KLF12: variants seen among roughly 807,000 people sequenced by gnomAD.
KLF12 encodes Krueppel-like factor 12.
KLF12 carries 9 observed loss-of-function variants against 37.8 expected under a neutral mutation model. The observed-to-expected ratio is 0.24, with a 90% CI of 0.14 to 0.42. The LOEUF is 0.42. Among genes scored for constraint, KLF12 ranks in the 10% least tolerant of loss-of-function variants. The pLI is 1.00. For synonymous variants in KLF12, 208 were observed against 202.1 expected, an observed-to-expected ratio of 1.03 and a Z score of -0.25; for missense variants, 411 against 516.0, an observed-to-expected ratio of 0.80 and a Z score of 1.97.
chr13:74,207,171 C>T, the KLF12 span, among the ~76,000 whole-genome samples: 1 of 152,138 alleles, frequency 6.6e-6, no homozygotes, highest in Non-Finnish European at 1.5e-5. Flanking sequence ...ATAACGAGCC[C>T]ACTCATATGA....
chr13:74,279,965 C>A, the KLF12 span, among the ~76,000 whole-genome samples: 2 of 152,214 alleles, frequency 1.3e-5, no homozygotes, highest in East Asian at 3.9e-4. Context: ...CACAGAGGAC[C>A]AGAAGTGTTG....
At chr13:73,812,307 T>C (rs947455066) in intron 5 of KLF12, among the ~76,000 whole-genome samples, 5 of 151,942 alleles carry the variant, frequency 3.3e-5, no homozygotes, top group African/African-American at 9.7e-5. Flanking sequence ...GGACCTAATA[T>C]ACAGCATGGT....
At chr13:73,800,215 T>G (rs976095831) in intron 5 of KLF12, 1 of 152,074 alleles carries the variant, frequency 6.6e-6, no homozygotes. Context: ...TCTATTATAC[T>G]TGGCAAAACA....
chr13:74,191,093 C>A, the KLF12 span, among the ~76,000 whole-genome samples: 5 of 152,148 alleles, frequency 3.3e-5, no homozygotes, highest in Non-Finnish European at 5.9e-5. Context: ...ACTAAAAAGC[C>A]AGGTCAGCAA....
At chr13:73,762,739 C>A (rs1316360031) in intron 6 of KLF12, among the ~76,000 whole-genome samples, 1 of 152,076 alleles carries the variant, frequency 6.6e-6, no homozygotes, top group Non-Finnish European at 1.5e-5. Context: ...TCATTGCCAG[C>A]GTGAGTCTTT....
At chr13:74,168,476 G>T in the KLF12 span, among the ~76,000 whole-genome samples, 1 of 152,114 alleles carries the variant, frequency 6.6e-6, no homozygotes, top group Non-Finnish European at 1.5e-5. Context: ...TGCCAACCTG[G>T]GTGCAACAAC....
At chr13:73,966,701 GTTCAAGAGACAGCAACCTTAAAGTC>G (rs1276941934) in intron 2 of KLF12, among the ~76,000 whole-genome samples, 1 of 152,130 alleles carries the variant, frequency 6.6e-6, no homozygotes, top group Non-Finnish European at 1.5e-5. Context: ...CCTTTCTCCT[GTTCAAGAGACAGCAACCTTAAAGTC>G]TTCTACCCAG....
chr13:73,834,053 C>T (rs914607277), intron 4 of KLF12, among the ~76,000 whole-genome samples: 7 of 152,084 alleles, frequency 4.6e-5, no homozygotes, highest in Admixed American at 2.6e-4. Context: ...GTGTCAAACA[C>T]GATGTTGGGG....
At chr13:73,833,812 G>A (rs1489515236) in intron 4 of KLF12, among the ~76,000 whole-genome samples, 3 of 152,128 alleles carry the variant, frequency 2.0e-5, no homozygotes, top group African/African-American at 4.8e-5. Flanking sequence ...TAGTATGTGA[G>A]GTAGATGTGA....
intron 2 of KLF12, among the ~76,000 whole-genome samples, chr13:73,989,196 C>T (rs1217403527): frequency 1.3e-5 from 2 of 152,166 alleles, no homozygotes; most frequent in Non-Finnish European, 2.9e-5. Context: ...AATAAACCCT[C>T]CACCTTTAGT....
At chr13:73,946,845 G>A (rs17216175) in intron 2 of KLF12, among the ~76,000 whole-genome samples, 12,120 of 152,180 alleles carry the variant, frequency 0.08, 662 homozygotes, top group Admixed American at 0.12. Flanking sequence ...AAACAAAAGC[G>A]TTCAGTATCA....
At chr13:74,136,418 G>A (rs1878556987), upstream of KLF12, among the ~76,000 whole-genome samples, 1 of 152,178 alleles carries the variant, frequency 6.6e-6, no homozygotes, top group Non-Finnish European at 1.5e-5. Context: ...GGATTTCAAC[G>A]AGAAACTTGC....
chr13:74,288,311 T>C, the KLF12 span, among the ~76,000 whole-genome samples: 2 of 152,218 alleles, frequency 1.3e-5, no homozygotes, highest in African/African-American at 4.8e-5. Flanking sequence ...TCATCTAAGA[T>C]GCTATTTTAT....
At chr13:74,220,336 G>A in the KLF12 span, among the ~76,000 whole-genome samples, 39,919 of 152,018 alleles carry the variant, frequency 0.26, 7,877 homozygotes, top group African/African-American at 0.55. Context: ...GCTGTTAAGA[G>A]GATGCTTTAA....
chr13:74,008,753 G>T (rs908190857), intron 1 of KLF12, among the ~76,000 whole-genome samples: 1 of 152,144 alleles, frequency 6.6e-6, no homozygotes, highest in African/African-American at 2.4e-5. Flanking sequence ...GCACAAGTCT[G>T]CAAGACAACT....
intron 1 of KLF12, among the ~76,000 whole-genome samples, chr13:74,085,558 A>G (rs1875227372): frequency 6.6e-6 from 1 of 152,192 alleles, no homozygotes; most frequent in Non-Finnish European, 1.5e-5. Context: ...CAAATGTCAA[A>G]TTTTAGAGAG....
At chr13:74,032,499 C>G (rs1566511286) in intron 1 of KLF12, among the ~76,000 whole-genome samples, 1 of 152,156 alleles carries the variant, frequency 6.6e-6, no homozygotes, top group East Asian at 1.9e-4. Flanking sequence ...CTTGCTCAGG[C>G]TATTTTGCCT....
chr13:74,073,135 C>T (rs1237125833), intron 1 of KLF12, among the ~76,000 whole-genome samples: 1 of 152,210 alleles, frequency 6.6e-6, no homozygotes, highest in Non-Finnish European at 1.5e-5. Context: ...CGTGAGGCCG[C>T]CCGAGCCATG....
intron 6 of KLF12, among the ~76,000 whole-genome samples, chr13:73,764,272 G>C (rs1594063617): frequency 6.6e-6 from 1 of 151,910 alleles, no homozygotes; most frequent in East Asian, 1.9e-4. Flanking sequence ...GTGGAATGGA[G>C]TAATATAAAC....
Sources: allele counts gnomAD v4.1 joint callset (sites outside exome capture counted in the v4.1 genomes callset), GRCh38; gene constraint gnomAD v4.1.1; transcripts MANE v1.5; gene names NCBI Gene and HGNC (gene_info 2026-07-23, HGNC 2026-07-21).